TMEFF2: variants seen among roughly 807,000 people sequenced by gnomAD.
TMEFF2 encodes transmembrane protein with EGF like and two follistatin like domains 2, also known as tomoregulin-2.
A neutral mutation model predicts 53.8 loss-of-function variants in TMEFF2; 28 were observed. That is an observed-to-expected ratio of 0.52 (90% CI 0.39 to 0.71). The LOEUF is 0.71. Among genes scored for constraint, TMEFF2 ranks in the 30% least tolerant of loss-of-function variants. The pLI is 0.00. For missense variants in TMEFF2, 353 were observed against 455.2 expected (o/e 0.78, Z 2.04); for synonymous variants, 162 against 166.3 (o/e 0.97, Z 0.20).
intron 4 of TMEFF2, among the ~76,000 whole-genome samples, chr2:192,131,723 T>C (rs1298960853): frequency 3.3e-5 from 5 of 152,036 alleles, no homozygotes; most frequent in Admixed American, 6.6e-5. Context: ...TCCTCCTCCT[T>C]CTCCCTTAGC....
At chr2:192,159,597 G>A (rs895884753) in intron 4 of TMEFF2, among the ~76,000 whole-genome samples, 2 of 152,052 alleles carry the variant, frequency 1.3e-5, no homozygotes, top group African/African-American at 4.8e-5. Context: ...ATAAAATTTG[G>A]TAATACAAAA....
chr2:191,975,545 A>G (rs1390713478), intron 7 of TMEFF2, among the ~76,000 whole-genome samples: 2 of 151,598 alleles, frequency 1.3e-5, no homozygotes, highest in South Asian at 2.1e-4. Flanking sequence ...ATTTTTTTCT[A>G]TCATAATTGG....
intron 5 of TMEFF2, 137 bp downstream of exon 5, chr2:192,057,542 A>ATTTTTT: frequency 1.4e-6 from 1 of 696,474 alleles, no homozygotes; most frequent in Admixed American, 2.6e-5. Flanking sequence ...CCTTGCCCTC[A>ATTTTTT]TTTTTTTTTT....
At chr2:192,096,680 T>C (rs1180340950) in intron 4 of TMEFF2, among the ~76,000 whole-genome samples, 1 of 140,166 alleles carries the variant, frequency 7.1e-6, no homozygotes, top group Admixed American at 7.1e-5. Flanking sequence ...CTTTTTTTTT[T>C]TTTTTTTTTT....
At chr2:191,961,737 C>T (rs894295714) in intron 7 of TMEFF2, among the ~76,000 whole-genome samples, 2 of 152,094 alleles carry the variant, frequency 1.3e-5, no homozygotes, top group African/African-American at 4.8e-5. Context: ...CAGGTATAAA[C>T]ATATGAGGCA....
At chr2:191,952,105 A>G (rs1415055323) in intron 9 of TMEFF2, among the ~76,000 whole-genome samples, 2 of 152,184 alleles carry the variant, frequency 1.3e-5, no homozygotes, top group African/African-American at 4.8e-5. Context: ...CTTCTACCTC[A>G]GGGTCTCTAT....
At chr2:192,014,617 T>C (rs1686705105) in intron 5 of TMEFF2, among the ~76,000 whole-genome samples, 1 of 152,222 alleles carries the variant, frequency 6.6e-6, no homozygotes, top group African/African-American at 2.4e-5. Flanking sequence ...CTGAGCAGTT[T>C]CTTCTTTAGG....
At chr2:192,051,621 A>C (rs1028845196) in intron 5 of TMEFF2, among the ~76,000 whole-genome samples, 14 of 152,180 alleles carry the variant, frequency 9.2e-5, no homozygotes, top group Admixed American at 9.2e-4. Flanking sequence ...CTAATGTCTA[A>C]TTTACTTATA....
intron 7 of TMEFF2, among the ~76,000 whole-genome samples, chr2:191,982,828 T>C (rs1685886114): frequency 6.6e-6 from 1 of 152,178 alleles, no homozygotes; most frequent in Non-Finnish European, 1.5e-5. Flanking sequence ...ATTTTAAAAG[T>C]TTTGTTTATT....
intron 5 of TMEFF2, chr2:192,030,395 G>T (rs1687099683): frequency 6.6e-6 from 1 of 152,086 alleles, no homozygotes; most frequent in South Asian, 2.1e-4. Flanking sequence ...TGATAGCAAA[G>T]TGTAAGCTTT....
intron 4 of TMEFF2, among the ~76,000 whole-genome samples, chr2:192,136,358 C>G (rs1054475336): frequency 1.3e-5 from 2 of 152,166 alleles, no homozygotes; most frequent in Admixed American, 6.5e-5. Flanking sequence ...GTATTTTCCC[C>G]TATTTTCAGA....
At chr2:192,011,087 CTG>C (rs1305719535) in intron 5 of TMEFF2, among the ~76,000 whole-genome samples, 2 of 152,102 alleles carry the variant, frequency 1.3e-5, no homozygotes, top group Admixed American at 6.5e-5. Context: ...TTTCACTAAA[CTG>C]TGTGAAGAAA....
At chr2:192,107,043 CTGAG>C (rs1689166227) in intron 4 of TMEFF2, among the ~76,000 whole-genome samples, 2 of 151,650 alleles carry the variant, frequency 1.3e-5, no homozygotes, top group South Asian at 4.2e-4. Context: ...ATTTTATACC[CTGAG>C]TATTTGATGA....
intron 5 of TMEFF2, among the ~76,000 whole-genome samples, chr2:192,004,083 C>A (rs1042754573): frequency 6.6e-6 from 1 of 152,162 alleles, no homozygotes; most frequent in Non-Finnish European, 1.5e-5. Flanking sequence ...GCATTACAAA[C>A]ATCTTCAATA....
chr2:191,978,648 CT>C (rs1685785986), intron 7 of TMEFF2, among the ~76,000 whole-genome samples: 1 of 152,012 alleles, frequency 6.6e-6, no homozygotes, highest in Non-Finnish European at 1.5e-5. Context: ...CCTGAGCTCC[CT>C]TATAAATATG....
chr2:192,045,621 C>CA lies in TMEFF2; in HGVS notation c.536+12057dup, dbSNP rs553808586. 7.2e-5 allele frequency among the ~76,000 whole-genome samples: 11 copies of CA among 152,006 alleles called. No homozygotes were observed. The South Asian group carries it at 2.1e-3, about 29-fold the overall frequency. On this transcript the variant is annotated intron_variant, in intron 5 of 9. Coordinates refer to ENST00000272771, the MANE Select transcript of TMEFF2 (RefSeq NM_016192.4). ...CTCATGAACAAAGTGGCCATTGTGG[C>CA]AAAAAAGGGGGGTTATGCATAGGCT...
chr2:191,976,728 T>G (rs1435778963), intron 7 of TMEFF2, among the ~76,000 whole-genome samples: 1 of 152,212 alleles, frequency 6.6e-6, no homozygotes, highest in East Asian at 1.9e-4. Flanking sequence ...GAGGCCCATG[T>G]TGGACACAAC....
chr2:191,970,049 A>G (rs1692589487), intron 7 of TMEFF2, among the ~76,000 whole-genome samples: 1 of 152,192 alleles, frequency 6.6e-6, no homozygotes, highest in South Asian at 2.1e-4. Context: ...TGAATCAAAT[A>G]TCTTTGTGTT....
chr2:192,170,308 A>G (rs1379359639), intron 4 of TMEFF2, among the ~76,000 whole-genome samples: 1 of 152,100 alleles, frequency 6.6e-6, no homozygotes, highest in Non-Finnish European at 1.5e-5. Context: ...TGCAAGTGCT[A>G]TGTTCTCTGG....
Sources: gnomAD v4.1 joint callset for allele counts (sites outside exome capture counted in the v4.1 genomes callset) on GRCh38, gnomAD v4.1.1 for gene constraint, MANE v1.5 for transcripts, NCBI Gene and HGNC (gene_info 2026-07-23, HGNC 2026-07-21) for gene names.